The following ANKRD30A variants were observed in gnomAD, a reference collection of about 807,000 sequenced individuals.
ANKRD30A encodes ankyrin repeat domain 30A.
In ANKRD30A, 170 loss-of-function variants were observed where a neutral mutation model predicts 166.3. The ratio of observed to expected loss-of-function variants is 1.02; its 90% CI spans 0.90 to 1.16. The LOEUF (loss-of-function observed/expected upper bound fraction) is 1.16. Among genes scored for constraint, ANKRD30A ranks in the 50% most tolerant of loss-of-function variants. The probability of loss-of-function intolerance (pLI) is 0.00; values close to 1 mark genes in which losing one functional copy is unlikely to be tolerated. For synonymous variants in ANKRD30A, 564 were observed against 508.9 expected, an observed-to-expected ratio of 1.11 and a Z score of -1.46; for missense variants, 1,630 against 1,518.0, an observed-to-expected ratio of 1.07 and a Z score of -1.23.
the ANKRD30A span, among the ~76,000 whole-genome samples, chr10:37,244,381 G>A: frequency 6.6e-6 from 1 of 152,058 alleles, no homozygotes; most frequent in Non-Finnish European, 1.5e-5. Context: ...TTGGGATGTA[G>A]GACAAAAAGA....
intron 30 of ANKRD30A, 85 bp from the exon 31 acceptor site, chr10:37,201,150 A>G (rs1841590746): frequency 2.6e-6 from 3 of 1,156,990 alleles, no homozygotes; most frequent in South Asian, 1.5e-5. Flanking sequence ...TTTTTTTTAA[A>G]AAAAGATTTT....
intron 18 of ANKRD30A, 21 bp downstream of exon 18, chr10:37,165,176 T>C (rs1465755496): frequency 2.5e-6 from 4 of 1,584,904 alleles, no homozygotes; most frequent in Non-Finnish European, 3.5e-6. Context: ...TTGTTGATTT[T>C]TTTAAATATT....
intron 7 of ANKRD30A, among the ~76,000 whole-genome samples, chr10:37,144,429 C>G (rs1408715387): frequency 6.6e-6 from 1 of 152,130 alleles, no homozygotes; most frequent in Non-Finnish European, 1.5e-5. Context: ...AATTTATATG[C>G]AATACAAGTT....
chr10:37,149,630 T>G, intron 9 of ANKRD30A, 21 bp from the exon 10 acceptor site: 1 of 1,609,782 alleles, frequency 6.2e-7, no homozygotes, highest in Non-Finnish European at 8.5e-7. Context: ...TGATTGATGA[T>G]AAATCTCTTT....
At chr10:37,140,666 A>G (rs952361533) in intron 6 of ANKRD30A, among the ~76,000 whole-genome samples, 1 of 152,198 alleles carries the variant, frequency 6.6e-6, no homozygotes, top group African/African-American at 2.4e-5. Context: ...TAATAGCCAA[A>G]ATATTATCAT....
chr10:37,153,007 T>A (rs17590272), intron 12 of ANKRD30A, among the ~76,000 whole-genome samples: 40 of 152,278 alleles, frequency 2.6e-4, no homozygotes, highest in African/African-American at 8.9e-4. Flanking sequence ...TCTATCACCA[T>A]AAATTTTGTC....
chr10:37,191,097 T>G (rs926419041), intron 25 of ANKRD30A, among the ~76,000 whole-genome samples: 1 of 151,890 alleles, frequency 6.6e-6, no homozygotes, highest in African/African-American at 2.4e-5. Flanking sequence ...TATTAATATT[T>G]AAAAGTCTGT....
At chr10:37,236,800 AT>A (rs1843693743), downstream of ANKRD30A, among the ~76,000 whole-genome samples, 1 of 152,256 alleles carries the variant, frequency 6.6e-6, no homozygotes, top group African/African-American at 2.4e-5. Context: ...TGGATAATTC[AT>A]TTATTAATTG....
At chr10:37,153,395 G>T (rs1299842386) in intron 12 of ANKRD30A, among the ~76,000 whole-genome samples, 177 bp from the exon 13 acceptor site, 1 of 152,096 alleles carries the variant, frequency 6.6e-6, no homozygotes, top group East Asian at 1.9e-4. Context: ...TGTAGAGAGG[G>T]TTGTGTGAGG....
At chr10:37,184,093 G>C (rs1269452265) in intron 24 of ANKRD30A, among the ~76,000 whole-genome samples, 1 of 151,116 alleles carries the variant, frequency 6.6e-6, no homozygotes, top group Admixed American at 6.6e-5. Context: ...AAAAGGAGAG[G>C]CCTTTCATGG....
At chr10:37,201,103 T>C in intron 30 of ANKRD30A, 132 bp from the exon 31 acceptor site, 1 of 584,478 alleles carries the variant, frequency 1.7e-6, no homozygotes, top group Non-Finnish European at 2.7e-6. Flanking sequence ...TTTTTATACG[T>C]GTCTGCTCTT....
intron 5 of ANKRD30A, among the ~76,000 whole-genome samples, chr10:37,136,098 T>A (rs1836667636): frequency 9.2e-6 from 1 of 108,138 alleles, no homozygotes; most frequent in East Asian, 2.2e-4. Context: ...GGCCAACACA[T>A]TGGGTTTTAT....
At chr10:37,194,005 G>A (rs1218081422) in intron 27 of ANKRD30A, among the ~76,000 whole-genome samples, 1 of 152,090 alleles carries the variant, frequency 6.6e-6, no homozygotes, top group Non-Finnish European at 1.5e-5. Flanking sequence ...GACCAGCCTG[G>A]TCAAATTAGT....
At chr10:37,208,559 G>T (rs534801116) in intron 31 of ANKRD30A, among the ~76,000 whole-genome samples, 6 of 152,202 alleles carry the variant, frequency 3.9e-5, no homozygotes, top group African/African-American at 1.4e-4. Context: ...AATGATGTAG[G>T]CTTCTTGAGA....
intron 24 of ANKRD30A, among the ~76,000 whole-genome samples, chr10:37,178,024 A>G (rs1413110162): frequency 1.3e-5 from 2 of 150,436 alleles, no homozygotes; most frequent in South Asian, 2.1e-4. Context: ...AGAAAGTAGT[A>G]ATAGAGTAAA....
chr10:37,214,486 CT>C (rs971282906), intron 31 of ANKRD30A, among the ~76,000 whole-genome samples: 16 of 148,674 alleles, frequency 1.1e-4, no homozygotes, highest in African/African-American at 3.7e-4. Flanking sequence ...TGCTTTTGTT[CT>C]TTTTCTGCTT....
At chr10:37,211,851 T>C (rs1322504699) in intron 31 of ANKRD30A, among the ~76,000 whole-genome samples, 1 of 152,080 alleles carries the variant, frequency 6.6e-6, no homozygotes, top group Non-Finnish European at 1.5e-5. Flanking sequence ...TGGTATCTCA[T>C]TGTGGTTTTG....
At chr10:37,230,807 C>T (rs1333659667) in intron 34 of ANKRD30A, among the ~76,000 whole-genome samples, 1 of 151,958 alleles carries the variant, frequency 6.6e-6, no homozygotes, top group Non-Finnish European at 1.5e-5. Flanking sequence ...AAGGGATGTA[C>T]AATTCACAAA....
intron 25 of ANKRD30A, among the ~76,000 whole-genome samples, chr10:37,191,635 C>A (rs182554142): frequency 3.3e-5 from 5 of 151,962 alleles, no homozygotes; most frequent in Non-Finnish European, 7.4e-5. Flanking sequence ...AATGGTTGTA[C>A]AATGTTGTTG....
Sources: allele counts gnomAD v4.1 joint callset (sites outside exome capture counted in the v4.1 genomes callset), GRCh38; gene constraint gnomAD v4.1.1; transcripts MANE v1.5; gene names NCBI Gene and HGNC (gene_info 2026-07-23, HGNC 2026-07-21).